Variants in LMAN1 observed in about 807,000 individuals in gnomAD.
The protein encoded by LMAN1 is protein ERGIC-53.
In LMAN1, 32 loss-of-function variants were observed where a neutral mutation model predicts 67.8. The observed-to-expected ratio is 0.47, with a 90% CI of 0.36 to 0.63. The LOEUF (loss-of-function observed/expected upper bound fraction) is 0.63. LMAN1 is among the 30% of genes least tolerant of loss of function. The probability of loss-of-function intolerance (pLI) is 0.00; values close to 1 mark genes in which losing one functional copy is unlikely to be tolerated. For synonymous variants in LMAN1, 235 were observed against 219.3 expected, an observed-to-expected ratio of 1.07 and a Z score of -0.63; for missense variants, 632 against 628.2, an observed-to-expected ratio of 1.01 and a Z score of -0.06.
At chr18:59,350,741 C>T (rs955661415) in intron 5 of LMAN1, among the ~76,000 whole-genome samples, 3 of 152,070 alleles carry the variant, frequency 2.0e-5, no homozygotes, top group Admixed American at 1.3e-4. Context: ...GTGATCCGCC[C>T]GCCTCGGCCT....
chr18:59,333,832 AG>A (rs1908082959), intron 10 of LMAN1: 1 of 151,592 alleles, frequency 6.6e-6, no homozygotes, highest in Non-Finnish European at 1.5e-5. Flanking sequence ...TAGTTTAAAA[AG>A]TAAGAGCTTT....
At chr18:59,340,963 T>C (rs117680161) in intron 8 of LMAN1, among the ~76,000 whole-genome samples, 73 of 152,220 alleles carry the variant, frequency 4.8e-4, no homozygotes, top group Non-Finnish European at 1.0e-3. Flanking sequence ...AACTATATAC[T>C]GCCTACAAGA....
rs769086744 is a variant in LMAN1, at chr18:59,331,475, T to A, written c.1439A>T (p.His480Leu). 1.2e-6 allele frequency: 2 copies of A among 1,611,294 alleles called. No homozygotes were observed. Among genetic ancestry groups the A allele is most frequent in the Non-Finnish European group, 1.7e-6 (2 of 1,177,616 alleles). The part of the protein sequence containing the change: ...PPFPSCLSTV[H>L]FIIFVVVQTV... ...TTGCACCACAACAAATATAATGAAG[T>A]GGACCGTAGACAAACATGATGGAAA... is the stretch of plus-strand genomic sequence containing the variant. The change falls in exon 12 of 13, where the codon CAC becomes CTC. Residue 480 changes from histidine to leucine, a missense_variant. Coordinates refer to ENST00000251047, the MANE Select transcript of LMAN1 (RefSeq NM_005570.4).
intron 10 of LMAN1, among the ~76,000 whole-genome samples, chr18:59,336,152 T>C (rs974611037): frequency 1.3e-5 from 2 of 152,198 alleles, no homozygotes; most frequent in South Asian, 2.1e-4. Flanking sequence ...GGTATACATA[T>C]GTATATTCCC....
At position 59,328,547 on chromosome 18, in the gene LMAN1, C is replaced by T. The variant is rs773157524; in HGVS notation, c.*2546G>A. The stretch of plus-strand genomic sequence containing the variant: ...AAAATATATTATCTTCTCAGCTCAG[C>T]TCTAAATTAACAAAACACCTATTTT... On this transcript the variant is annotated 3_prime_UTR_variant, in exon 13 of 13. Transcript: ENST00000251047. 3.9e-5 allele frequency: 6 copies of T among 152,104 alleles called. No individual in the cohort carries two copies. The highest frequency in any genetic ancestry group is 7.4e-5 in the Non-Finnish European group (5 of 68,022). The allele number at this position is 152,104 out of a possible 1,614,324, so 9.4% of individuals were successfully genotyped here.
intron 5 of LMAN1, among the ~76,000 whole-genome samples, chr18:59,350,991 T>C (rs1452418105): frequency 6.6e-6 from 1 of 152,190 alleles, no homozygotes; most frequent in Non-Finnish European, 1.5e-5. Flanking sequence ...ATTTAAGATC[T>C]CTTGCTTTGG....
intron 5 of LMAN1, among the ~76,000 whole-genome samples, chr18:59,352,379 A>T (rs1908562651): frequency 6.6e-6 from 1 of 152,200 alleles, no homozygotes; most frequent in South Asian, 2.1e-4. Flanking sequence ...CTGGGACCTA[A>T]GTCATCTTTC....
At chr18:59,343,079 A>G (rs1908323956) in intron 8 of LMAN1, among the ~76,000 whole-genome samples, 1 of 151,788 alleles carries the variant, frequency 6.6e-6, no homozygotes. Context: ...ACACCTAGAA[A>G]TATATTTAAC....
At position 59,329,882 on chromosome 18, in the gene LMAN1, G is replaced by A. The variant is rs1271623767; in HGVS notation, c.*1211C>T. On this transcript the variant is annotated 3_prime_UTR_variant, in exon 13 of 13. Coordinates refer to ENST00000251047, the MANE Select transcript of LMAN1 (RefSeq NM_005570.4). ...AGTATTTTGAAGGCAGCAAAAATCAGTATAAATCAGCTGTGAACAGAATTA... is the reference window on the plus strand; with the variant it reads ...AGTATTTTGAAGGCAGCAAAAATCAATATAAATCAGCTGTGAACAGAATTA... 1 of 152,114 alleles carries A rather than the reference G, an allele frequency of 6.6e-6. No individual in the cohort carries two copies. The highest frequency in any genetic ancestry group is 1.5e-5 in the Non-Finnish European group (1 of 67,996). 9.4% of individuals were successfully genotyped at this position (152,114 alleles called of 1,614,324 possible). A position where few individuals can be genotyped will look rare whatever the true frequency, so the allele number is the denominator to read the frequency against.
At position 59,359,048 on chromosome 18, in the gene LMAN1, A is replaced by C; in HGVS notation, c.197T>G (p.Phe66Cys). Residue 66 changes from phenylalanine (F) to cysteine (C), a missense_variant, in exon 1 of 13, where the codon TTC becomes TGC. By Grantham distance (205) the Phe-to-Cys change is radical. Transcript: ENST00000251047. ...HLVQSDGTVP[F>C]WAHAGNAIPS... ...CGGCTTACTCCCCGCGTGGGCCCAGAAGGGCACGGTCCCGTCGCTCTGCAC... is the reference window on the plus strand; with the variant it reads ...CGGCTTACTCCCCGCGTGGGCCCAGCAGGGCACGGTCCCGTCGCTCTGCAC... The C allele has an allele frequency of 6.2e-7, 1 of 1,613,952 alleles. No homozygotes were observed. Among genetic ancestry groups the C allele is most frequent in the Non-Finnish European group, 8.5e-7 (1 of 1,179,950 alleles).
At chr18:59,356,942 G>C (rs1017128890) in intron 1 of LMAN1, among the ~76,000 whole-genome samples, 5 of 152,162 alleles carry the variant, frequency 3.3e-5, no homozygotes, top group African/African-American at 1.2e-4. Flanking sequence ...GAACATTAGA[G>C]TTAAGAAAGA....
In LMAN1 at chr18:59,340,552, A is replaced by C. The variant is rs1346263581; in HGVS notation, c.956-1599T>G. Among the ~76,000 whole-genome samples, 4 of 152,158 alleles carry C rather than the reference A, an allele frequency of 2.6e-5. No homozygotes were observed. In the South Asian group the frequency reaches 6.2e-4, roughly 24 times the overall value. On this transcript the variant is annotated intron_variant, in intron 8 of 12. Transcript: ENST00000251047. ...ATATCCTGCTAGAATCAGCTTCACA[A>C]ATGAAGAAGAAATAAAGCCTTTCCC...
chr18:59,337,760 A>G (rs1908191636), intron 10 of LMAN1, among the ~76,000 whole-genome samples: 1 of 152,236 alleles, frequency 6.6e-6, no homozygotes, highest in African/African-American at 2.4e-5. Context: ...TTGAAGAAAT[A>G]TAAATTTGCA....
intron 8 of LMAN1, among the ~76,000 whole-genome samples, chr18:59,344,443 A>G (rs1468066788): frequency 1.3e-5 from 2 of 152,068 alleles, no homozygotes; most frequent in Non-Finnish European, 1.5e-5. Flanking sequence ...GTGTGTGTGT[A>G]TATATGTATG....
intron 5 of LMAN1, 167 bp downstream of exon 5, chr18:59,353,035 G>C (rs530469765): frequency 4.7e-6 from 3 of 639,710 alleles, no homozygotes; most frequent in South Asian, 3.3e-5. Context: ...TACAACAGAT[G>C]ACCACTTACA....
intron 8 of LMAN1, among the ~76,000 whole-genome samples, chr18:59,340,296 C>T (rs554473594): frequency 1.8e-4 from 27 of 152,220 alleles, no homozygotes; most frequent in Non-Finnish European, 3.1e-4. Flanking sequence ...CAGCAATCCC[C>T]AGAAAAATAT....
rs551230220 is a variant in LMAN1 at position 59,334,701 on chromosome 18, A to G, written c.1221-1457T>C. Among the ~76,000 whole-genome samples the G allele has an allele frequency of 3.9e-5, 6 of 152,358 alleles. No individual in the cohort carries two copies. In the South Asian group the frequency reaches 1.2e-3, roughly 32 times the overall value. On this transcript the variant is annotated intron_variant, in intron 10 of 12. Coordinates refer to ENST00000251047, the MANE Select transcript of LMAN1 (RefSeq NM_005570.4). ...TTGAGATGGAGAAGTGGGAAGAGGC[A>G]TCAACTGCTACAGAAAAGCTACATG...
intron 7 of LMAN1, among the ~76,000 whole-genome samples, chr18:59,346,551 T>A (rs990981150): frequency 6.9e-6 from 1 of 145,472 alleles, no homozygotes; most frequent in Non-Finnish European, 1.5e-5. Flanking sequence ...GATGGACTCT[T>A]ACTTTGTTGC....
rs140370262 is a variant in LMAN1 at position 59,330,677 on chromosome 18, G to A, written c.*416C>T. The A allele has an allele frequency of 1.1e-3, 181 of 160,846 alleles. No individual in the cohort carries two copies. The highest frequency in any genetic ancestry group is 4.1e-3 in the African/African-American group (171 of 41,724). The allele number at this position is 160,846 out of a possible 1,614,324, so 10.0% of individuals were successfully genotyped here. Reference sequence around the variant, plus strand: ...AGTCTGACCTCTAAAAAAGACTTTGGTTACAAAATAAACCTGATGGGACTT... The same window carrying A: ...AGTCTGACCTCTAAAAAAGACTTTGATTACAAAATAAACCTGATGGGACTT... On this transcript the variant is annotated 3_prime_UTR_variant, in exon 13 of 13. Coordinates refer to ENST00000251047, the MANE Select transcript of LMAN1 (RefSeq NM_005570.4).
Sources: gnomAD v4.1 joint callset for allele counts (sites outside exome capture counted in the v4.1 genomes callset) on GRCh38, gnomAD v4.1.1 for gene constraint, MANE v1.5 for transcripts, NCBI Gene and HGNC (gene_info 2026-07-23, HGNC 2026-07-21) for gene names.